Variants in BTBD10 observed in about 807,000 individuals in gnomAD.
BTBD10 encodes BTB domain containing 10.
In BTBD10, 21 loss-of-function variants were observed where a neutral mutation model predicts 53.2. That is an observed-to-expected ratio of 0.39 (90% confidence interval 0.28 to 0.57). The LOEUF (loss-of-function observed/expected upper bound fraction) is 0.57, where lower values mean the gene tolerates loss of function less well. BTBD10 is among the 20% of genes least tolerant of loss of function. The pLI is 0.53. For synonymous variants in BTBD10, 149 were observed against 192.7 expected (o/e 0.77, Z 1.88); for missense variants, 360 against 594.7 (o/e 0.61, Z 4.10).
At chr11:13,431,529 TTC>T (rs758015682) in intron 2 of BTBD10, among the ~76,000 whole-genome samples, 4 of 152,198 alleles carry the variant, frequency 2.6e-5, no homozygotes, top group Non-Finnish European at 4.4e-5. Context: ...TTAATAATGC[TTC>T]TGTTTTCTTT....
At position 13,405,702 on chromosome 11, in the gene BTBD10, C is replaced by T; in HGVS notation, c.963G>A (p.Trp321Ter). The T allele has an allele frequency of 1.2e-6, 2 of 1,613,540 alleles. No individual in the cohort carries two copies. Among genetic ancestry groups the T allele is most frequent in the African/African-American group, 1.3e-5 (1 of 74,964 alleles). Residue 321 changes from tryptophan (W) to a stop codon, truncating the protein, a stop_gained, in exon 7 of 9, where the codon TGG becomes TGA. Transcript: ENST00000278174. LOFTEE classifies it high-confidence loss of function. The stretch of plus-strand genomic sequence containing the variant: ...CCATCTGTGGTGGATATTCTTCATC[C>T]CAATCAACCACATCATCATCTGTAA... ...VVLTDDDVVD[W>*]DEEYPPQMGE...
Position 13,445,129 on chromosome 11 carries a change from C to T in BTBD10, c.-5G>A. 6.2e-7 allele frequency: 1 copy of T among 1,608,860 alleles called. No homozygotes were observed. Among genetic ancestry groups the T allele is most frequent in the African/African-American group, 1.3e-5 (1 of 74,892 alleles). ...GGGATGAGGCCGTCCTGCCATCCCACTCCAAGCTTCCTCACACTACTGCTC... is the reference window on the plus strand; with the variant it reads ...GGGATGAGGCCGTCCTGCCATCCCATTCCAAGCTTCCTCACACTACTGCTC... On this transcript the variant is annotated 5_prime_UTR_variant, in exon 2 of 9. It adds an upstream start codon to the 5' untranslated region. Transcript: ENST00000278174.
rs781511381 is a variant in BTBD10, at chr11:13,440,108, G to T, written c.101+4916C>A. ...TCTCCCCCTACCTCACCTGTCCATA[G>T]ACTTCCTTTAGCTTCCTCCCTCTAC... On this transcript the variant is annotated intron_variant, in intron 2 of 8. Coordinates refer to ENST00000278174, the MANE Select transcript of BTBD10 (RefSeq NM_032320.7). 7.9e-6 allele frequency: 12 copies of T among 1,516,908 alleles called. No individual in the cohort carries two copies. In the South Asian group the frequency reaches 9.6e-5, roughly 12 times the overall value. The allele number at this position is 1,516,908 out of a possible 1,614,324, so 94.0% of individuals were successfully genotyped here.
At chr11:13,393,185 G>A (rs573551242) in intron 8 of BTBD10, among the ~76,000 whole-genome samples, 262 of 152,266 alleles carry the variant, frequency 1.7e-3, no homozygotes, top group South Asian at 5.0e-3. Flanking sequence ...AAAGTAAGTA[G>A]AAGAGGCCTT....
At chr11:13,459,061 T>TA (rs1555034664) in intron 1 of BTBD10, among the ~76,000 whole-genome samples, 223 of 136,792 alleles carry the variant, frequency 1.6e-3, no homozygotes, top group African/African-American at 4.7e-3. Flanking sequence ...TTTATTTATT[T>TA]TTTTTTTTTT....
At chr11:13,425,146 G>A (rs1400469777) in intron 2 of BTBD10, among the ~76,000 whole-genome samples, 2 of 152,182 alleles carry the variant, frequency 1.3e-5, no homozygotes, top group African/African-American at 4.8e-5. Context: ...ATAGTGCCCA[G>A]CACTCATACA....
intron 2 of BTBD10, among the ~76,000 whole-genome samples, chr11:13,429,190 C>A (rs1035004352): frequency 1.3e-5 from 2 of 151,948 alleles, no homozygotes; most frequent in African/African-American, 4.8e-5. Context: ...ATGGAGAAAC[C>A]TACCGTCTTT....
Position 13,399,181 on chromosome 11 carries a change from C to T in BTBD10, c.1117+3987G>A, listed in dbSNP as rs538051983. Among the ~76,000 whole-genome samples the T allele has an allele frequency of 4.9e-4, 75 of 152,290 alleles. 1 individual carries two copies. Among genetic ancestry groups the T allele is most frequent in the Admixed American group, 1.4e-3 (21 of 15,302 alleles). ...CCATTCTCCCCATCACTTTCAGGTA[C>T]ACCAATGAGACGTAGATTTGGTCTT... On this transcript the variant is annotated intron_variant, in intron 8 of 8. Coordinates refer to ENST00000278174, the MANE Select transcript of BTBD10 (RefSeq NM_032320.7).
At chr11:13,430,596 T>C (rs887946073) in intron 2 of BTBD10, among the ~76,000 whole-genome samples, 1 of 152,188 alleles carries the variant, frequency 6.6e-6, no homozygotes, top group Non-Finnish European at 1.5e-5. Context: ...CAGCTTTATT[T>C]GTAACAGCTC....
intron 8 of BTBD10, among the ~76,000 whole-genome samples, chr11:13,396,244 A>G (rs1195943768): frequency 6.6e-6 from 1 of 152,118 alleles, no homozygotes; most frequent in Non-Finnish European, 1.5e-5. Flanking sequence ...CTCCTTGAAG[A>G]GGTCCTTCAC....
At chr11:13,442,444 C>T (rs1950673290) in intron 2 of BTBD10, among the ~76,000 whole-genome samples, 2 of 152,032 alleles carry the variant, frequency 1.3e-5, no homozygotes, top group Admixed American at 6.6e-5. Flanking sequence ...TTGGATGGTC[C>T]TGGGCAAGTT....
intron 1 of BTBD10, chr11:13,462,524 G>C (rs1951121889): frequency 6.6e-6 from 1 of 152,114 alleles, no homozygotes; most frequent in Non-Finnish European, 1.5e-5. Flanking sequence ...ACCTTCCCCC[G>C]CCCCATTCCC....
chr11:13,416,397 C>G (rs1225311080), intron 5 of BTBD10, among the ~76,000 whole-genome samples: 1 of 151,870 alleles, frequency 6.6e-6, no homozygotes, highest in East Asian at 1.9e-4. Flanking sequence ...CAATAAAAAA[C>G]TAAAGATGTT....
intron 5 of BTBD10, among the ~76,000 whole-genome samples, chr11:13,414,511 G>A (rs553715652): frequency 1.1e-3 from 160 of 152,076 alleles, no homozygotes; most frequent in African/African-American, 3.5e-3. Flanking sequence ...AAAATTAGCC[G>A]GGTGTGGTGG....
intron 1 of BTBD10, among the ~76,000 whole-genome samples, chr11:13,456,329 G>A (rs1172755260): frequency 2.0e-5 from 3 of 152,056 alleles, no homozygotes; most frequent in East Asian, 1.9e-4. Flanking sequence ...TCAAGTCATC[G>A]AGAAAAGACA....
chr11:13,417,035 T>C, intron 5 of BTBD10, 123 bp downstream of exon 5: 3 of 648,534 alleles, frequency 4.6e-6, no homozygotes, highest in South Asian at 2.7e-5. Flanking sequence ...TTAAATGGTA[T>C]TTAAGGAAAA....
At chr11:13,400,884 T>C (rs11022800) in intron 8 of BTBD10, among the ~76,000 whole-genome samples, 22,868 of 152,080 alleles carry the variant, frequency 0.15, 1,989 homozygotes, top group Admixed American at 0.24. Context: ...AATAGGACAA[T>C]ATCATAAATA....
intron 1 of BTBD10, chr11:13,459,808 G>A (rs1951054442): frequency 6.6e-6 from 1 of 152,144 alleles, no homozygotes. Flanking sequence ...ATAAGGCACT[G>A]AACAAAAGTA....
rs561113459 is a variant in BTBD10 at position 13,403,193 on chromosome 11, A to C, written c.1092T>G (p.Leu364=). Residue 364 remains leucine (L), a synonymous_variant, in exon 8 of 9, where the codon CTT becomes CTG. Transcript: ENST00000278174. ...CTTCTATTCCCAATCTAATCTTCTT[A>C]AGACCCCTCTCCTTCAAAACTGACT... The part of the protein sequence containing the change: ...VAKSVLKERG[L]KKIRLGIEGY... The C allele has an allele frequency of 2.1e-5, 32 of 1,537,746 alleles. 1 individual carries two copies. The South Asian group carries it at 3.5e-4, about 17-fold the overall frequency.
Sources: gnomAD v4.1 joint callset for allele counts (sites outside exome capture counted in the v4.1 genomes callset) on GRCh38, gnomAD v4.1.1 for gene constraint, MANE v1.5 for transcripts, NCBI Gene and HGNC (gene_info 2026-07-23, HGNC 2026-07-21) for gene names.